CEP350: variants seen among roughly 807,000 people sequenced by gnomAD.
CEP350 encodes the protein centrosomal protein 350.
A neutral mutation model predicts 331.8 loss-of-function variants in CEP350; 126 were observed. The observed-to-expected ratio is 0.38, with a 90% confidence interval of 0.33 to 0.44. CEP350 has a LOEUF of 0.44. CEP350 is among the 20% of genes least tolerant of loss of function. The probability of loss-of-function intolerance (pLI) is 1.00; values close to 1 mark genes in which losing one functional copy is unlikely to be tolerated. For synonymous variants in CEP350, 1,200 were observed against 1,259.5 expected (o/e 0.95, Z 1.00); for missense variants, 3,406 against 3,634.6 (o/e 0.94, Z 1.62).
intron 7 of CEP350, 32 bp from the exon 8 acceptor site, chr1:180,006,422 T>C: frequency 9.7e-7 from 1 of 1,030,992 alleles, no homozygotes; most frequent in Non-Finnish European, 1.5e-6. Context: ...AAAATCATTG[T>C]TATATTTGCT....
At position 180,084,087 on chromosome 1, in the gene CEP350, A is replaced by T; in HGVS notation, c.6194A>T (p.Lys2065Ile). The T allele has an allele frequency of 6.2e-7, 1 of 1,600,142 alleles. No individual in the cohort carries two copies. Among genetic ancestry groups the T allele is most frequent in the Middle Eastern group, 1.7e-4 (1 of 6,052 alleles). Residue 2065 changes from lysine to isoleucine, a missense_variant, in exon 31 of 38, where the codon AAA becomes ATA. By Grantham distance (102) the Lys-to-Ile change is moderately radical. Around this residue, in one of 5 missense-constraint regions of CEP350, gnomAD observed 1,415 missense variants for 1,512.3 expected, o/e 0.94. Coordinates refer to ENST00000367607, the MANE Select transcript of CEP350 (RefSeq NM_014810.5). The part of the protein sequence containing the change: ...RALKDELRKR[K>I]SVVNQLKKEQ... ...CTGAAGGATGAGTTGCGGAAAAGAA[A>T]ATCAGTTGTGAACCAGCTGAAGAAG...
chr1:180,090,704 T>G lies in CEP350; in HGVS notation c.6426-10T>G. The G allele has an allele frequency of 6.5e-7, 1 of 1,541,544 alleles. No homozygotes were observed. ...ATGTTTATTTCTGCTCATTAATTTT[T>G]ACACGTCAGATCTGAAACGGCAAAG... On this transcript the variant is annotated splice_polypyrimidine_tract_variant and intron_variant, in intron 32 of 37. Coordinates refer to ENST00000367607, the MANE Select transcript of CEP350 (RefSeq NM_014810.5).
chr1:180,088,009 C>G (rs1044694590), intron 32 of CEP350, among the ~76,000 whole-genome samples: 1 of 152,008 alleles, frequency 6.6e-6, no homozygotes, highest in South Asian at 2.1e-4. Context: ...TTGAAAAAAA[C>G]AGTTTGGCTA....
chr1:180,029,524 A>T (rs553253116), intron 14 of CEP350, among the ~76,000 whole-genome samples: 2 of 152,178 alleles, frequency 1.3e-5, no homozygotes, highest in African/African-American at 4.8e-5. Flanking sequence ...GGCATTAAGC[A>T]CGTTTATACT....
chr1:179,981,717 T>C (rs1351575767), intron 1 of CEP350, among the ~76,000 whole-genome samples: 3 of 152,150 alleles, frequency 2.0e-5, no homozygotes, highest in Non-Finnish European at 2.9e-5. Context: ...ACTATAATTA[T>C]AGGCTGCATC....
intron 1 of CEP350, among the ~76,000 whole-genome samples, chr1:179,971,016 T>TTTG (rs892954851): frequency 1.3e-5 from 2 of 151,358 alleles, no homozygotes; most frequent in African/African-American, 4.9e-5. Flanking sequence ...ATAATAACTT[T>TTTG]TTGTTGTTGT....
rs1025274053 is a variant in CEP350 at position 180,013,831 on chromosome 1, A to G, written c.1394-16A>G. The G allele has an allele frequency of 2.5e-6, 4 of 1,587,588 alleles. No homozygotes were observed. In the African/African-American group the frequency reaches 5.4e-5, roughly 22 times the overall value. The stretch of plus-strand genomic sequence containing the variant: ...TATAGAATTTCGGTATATCACTAAC[A>G]GTTCATACTTTGCAGGGGGTCACAT... On this transcript the variant is annotated splice_polypyrimidine_tract_variant and intron_variant, in intron 9 of 37. Coordinates refer to ENST00000367607, the MANE Select transcript of CEP350 (RefSeq NM_014810.5).
In CEP350 at chr1:180,109,924, C is replaced by T. The variant is rs115478722; in HGVS notation, c.9190-1073C>T. On this transcript the variant is annotated intron_variant, in intron 37 of 37. Coordinates refer to ENST00000367607, the MANE Select transcript of CEP350 (RefSeq NM_014810.5). ...TGCTGGGATTACAGGCGTGAGCCAC[C>T]GCACCCAGCCAATCTAATGCGTTTC... is the stretch of plus-strand genomic sequence containing the variant. Among the ~76,000 whole-genome samples the T allele has an allele frequency of 6.4e-3, 981 of 152,266 alleles. 4 individuals carry two copies. Among genetic ancestry groups the T allele is most frequent in the South Asian group, 8.1e-3 (39 of 4,824 alleles).
rs1246647953 is a variant in CEP350, at chr1:180,014,043, C to T, written c.1590C>T (p.Gly530=). 1 of 1,612,590 alleles carries T rather than the reference C, an allele frequency of 6.2e-7. No individual in the cohort carries two copies. Among genetic ancestry groups the T allele is most frequent in the Non-Finnish European group, 8.5e-7 (1 of 1,179,262 alleles). ...NKDFLPIEIR[G]ILDDLQLDST... ...ACTTTTTACCTATTGAAATTCGTGG[C>T]ATTCTTGATGACCTACAGCTGGATT... The change falls in exon 10 of 38, where the codon GGC becomes GGT. Residue 530 remains glycine (G), a synonymous_variant. Coordinates refer to ENST00000367607, the MANE Select transcript of CEP350 (RefSeq NM_014810.5).
chr1:180,054,291 T>C, intron 24 of CEP350, 124 bp from the exon 25 acceptor site: 3 of 807,786 alleles, frequency 3.7e-6, no homozygotes, highest in Non-Finnish European at 6.1e-6. Flanking sequence ...ATGTAGCAAC[T>C]GCTTTTCACA....
At chr1:179,999,442 A>G (rs1036507077) in intron 6 of CEP350, among the ~76,000 whole-genome samples, 3 of 152,276 alleles carry the variant, frequency 2.0e-5, no homozygotes, top group Non-Finnish European at 2.9e-5. Context: ...AGAACTCATT[A>G]TAGAATATGG....
chr1:180,106,517 G>A (rs1314252984), intron 37 of CEP350, among the ~76,000 whole-genome samples: 2 of 152,134 alleles, frequency 1.3e-5, no homozygotes, highest in Non-Finnish European at 2.9e-5. Flanking sequence ...AGCTCTGTCA[G>A]TGTCCCTCTT....
intron 6 of CEP350, 79 bp downstream of exon 6, chr1:179,997,254 G>A (rs1653515588): frequency 1.4e-6 from 2 of 1,466,458 alleles, no homozygotes; most frequent in Non-Finnish European, 1.8e-6. Flanking sequence ...GAATAGAGAG[G>A]ATCACCTTTA....
intron 4 of CEP350, among the ~76,000 whole-genome samples, chr1:179,991,512 A>G (rs1377700717): frequency 6.7e-6 from 1 of 148,786 alleles, no homozygotes; most frequent in East Asian, 2.0e-4. Flanking sequence ...CTGGTCTCAA[A>G]CTCCTGACCT....
intron 27 of CEP350, among the ~76,000 whole-genome samples, chr1:180,072,744 A>T (rs919530296): frequency 2.0e-5 from 3 of 152,222 alleles, no homozygotes; most frequent in Admixed American, 6.5e-5. Context: ...AAAAATACAC[A>T]TAGGCAAGAT....
intron 25 of CEP350, among the ~76,000 whole-genome samples, chr1:180,058,322 G>T (rs1350336350): frequency 6.6e-6 from 1 of 152,162 alleles, no homozygotes; most frequent in African/African-American, 2.4e-5. Flanking sequence ...CAATACTGTA[G>T]CTACTAGCCA....
rs370867798 is a variant in CEP350, at chr1:180,092,654, G to A, written c.6549G>A (p.Arg2183=). ...GTTCTGAGAGATCAGTATCAGAAAG[G>A]TCTTTATCTGCATATGCAAAGAGAG... The part of the protein sequence containing the change: ...LSGSERSVSE[R]SLSAYAKRVN... Residue 2183 remains arginine, a synonymous_variant, in exon 34 of 38, where the codon AGG becomes AGA. Coordinates refer to ENST00000367607, the MANE Select transcript of CEP350 (RefSeq NM_014810.5). 3.0e-5 allele frequency: 49 copies of A among 1,610,618 alleles called. No homozygotes were observed. Among genetic ancestry groups the A allele is most frequent in the Non-Finnish European group, 3.8e-5 (45 of 1,178,498 alleles).
At position 179,965,801 on chromosome 1, in the gene CEP350, C is replaced by G. The variant is rs892135567; in HGVS notation, c.-14+10659C>G. On this transcript the variant is annotated intron_variant, in intron 1 of 37. Coordinates refer to ENST00000367607, the MANE Select transcript of CEP350 (RefSeq NM_014810.5). ...ACACCTGGCTAATTTTTTTTTTGTA[C>G]TTTTAGTAGAGACGGGGTTTCACCA... Among the ~76,000 whole-genome samples, 71 of 150,784 alleles carry G rather than the reference C, an allele frequency of 4.7e-4. 1 individual carries two copies. The highest frequency in any genetic ancestry group is 1.7e-3 in the African/African-American group (71 of 41,050).
At chr1:179,960,175 C>T (rs906458390) in intron 1 of CEP350, among the ~76,000 whole-genome samples, 2 of 150,334 alleles carry the variant, frequency 1.3e-5, no homozygotes, top group African/African-American at 2.5e-5. Context: ...TACAGACACA[C>T]ACACACCCAC....
Sources: allele counts gnomAD v4.1 joint callset (sites outside exome capture counted in the v4.1 genomes callset), GRCh38; gene constraint gnomAD v4.1.1; regional missense constraint gnomAD v4.1.1; transcripts MANE v1.5; gene names NCBI Gene and HGNC (gene_info 2026-07-23, HGNC 2026-07-21).